FLCN: variants seen among roughly 807,000 people sequenced by gnomAD.
The protein encoded by FLCN is BHD skin lesion fibrofolliculoma protein.
FLCN carries 22 observed loss-of-function variants against 62.5 expected under a neutral mutation model. The ratio of observed to expected loss-of-function variants is 0.35; its 90% CI spans 0.25 to 0.50. FLCN has a LOEUF of 0.50. Ranked by LOEUF, FLCN falls within the 20% of genes least tolerant of loss-of-function variation. The pLI is 0.97. For missense variants in FLCN, 657 were observed against 778.0 expected (o/e 0.84, Z 1.85); for synonymous variants, 319 against 310.0 (o/e 1.03, Z -0.30).
chr17:17,213,713 T>A lies in FLCN; in HGVS notation c.1682A>T (p.Tyr561Phe), dbSNP rs2046817737. The A allele has an allele frequency of 4.3e-6, 7 of 1,614,198 alleles. No individual in the cohort carries two copies. The East Asian group carries it at 1.6e-4, about 36-fold the overall frequency. ...GACCGTGGACATGAGGTGTGACTTGTAGGTCTTGCTCAGGCCAGTCATCCA... is the reference window on the plus strand; with the variant it reads ...GACCGTGGACATGAGGTGTGACTTGAAGGTCTTGCTCAGGCCAGTCATCCA... ...KFWMTGLSKTYKSHLMSTVRS... is the reference protein window; with the variant it reads ...KFWMTGLSKTFKSHLMSTVRS... Residue 561 changes from tyrosine to phenylalanine, a missense_variant, in exon 14 of 14, where the codon TAC (tyrosine) becomes TTC (phenylalanine). Coordinates refer to ENST00000285071, the MANE Select transcript of FLCN (RefSeq NM_144997.7).
At chr17:17,228,279 C>T in intron 3 of FLCN, 118 bp from the exon 4 acceptor site, 1 of 1,293,794 alleles carries the variant, frequency 7.7e-7, no homozygotes, top group Non-Finnish European at 1.0e-6. Flanking sequence ...CCAGGAGAGG[C>T]CACCCGCCAG....
intron 9 of FLCN, among the ~76,000 whole-genome samples, chr17:17,218,672 C>T (rs978480490): frequency 2.6e-5 from 4 of 152,112 alleles, no homozygotes; most frequent in East Asian, 1.9e-4. Flanking sequence ...AGAGCCACCA[C>T]GCCCAGCCAG....
In FLCN at chr17:17,216,721, C is replaced by G. The variant is rs1025464781; in HGVS notation, c.1177-218G>C. 2.6e-5 allele frequency among the ~76,000 whole-genome samples: 4 copies of G among 152,212 alleles called. No individual in the cohort carries two copies. Among genetic ancestry groups the G allele is most frequent in the Admixed American group, 6.5e-5 (1 of 15,286 alleles). On this transcript the variant is annotated intron_variant, in intron 10 of 13. Coordinates refer to ENST00000285071, the MANE Select transcript of FLCN (RefSeq NM_144997.7). The surrounding 1 kb of genome is among the most constrained non-coding windows in gnomAD (Gnocchi z 4.0). ...TCTTGTCTGGACCGCCAGTCACACA[C>G]CAGCTTGTACCGCCCCTCGCTCTGT...
At chr17:17,226,889 T>G (rs2047266662) in intron 4 of FLCN, among the ~76,000 whole-genome samples, 1 of 152,224 alleles carries the variant, frequency 6.6e-6, no homozygotes, top group South Asian at 2.1e-4. Context: ...ACTCCGATGC[T>G]GAGGCTGTGC....
rs747644007 is a variant in FLCN, at chr17:17,217,110, T to C, written c.1135A>G (p.Arg379Gly). ...GCTGACTGGACGAGGTCCACGTCTCTGCTTTTCCAGATCACCTGGTTCCCC... is the reference window on the plus strand; with the variant it reads ...GCTGACTGGACGAGGTCCACGTCTCCGCTTTTCCAGATCACCTGGTTCCCC... Reference protein sequence around the residue: ...LMGNQVIWKSRDVDLVQSAFE... With the variant: ...LMGNQVIWKSGDVDLVQSAFE... The change falls in exon 10 of 14, where the codon AGA becomes GGA. Residue 379 changes from arginine to glycine, a missense_variant. Arg to Gly is a moderately radical substitution (Grantham distance 125, BLOSUM62 -2). Transcript: ENST00000285071. The C allele has an allele frequency of 1.9e-6, 3 of 1,614,132 alleles. No homozygotes were observed. Among genetic ancestry groups the C allele is most frequent in the South Asian group, 2.2e-5 (2 of 91,086 alleles).
At chr17:17,215,120 G>T (rs1444753093) in intron 12 of FLCN, 30 bp from the exon 13 acceptor site, 3 of 1,613,820 alleles carry the variant, frequency 1.9e-6, no homozygotes, top group South Asian at 1.1e-5. Flanking sequence ...CAGAGCAAGG[G>T]CAGGCGTTAG....
intron 8 of FLCN, 96 bp downstream of exon 8, chr17:17,221,437 GCGTT>G (rs780928989): frequency 6.2e-7 from 1 of 1,614,000 alleles, no homozygotes; most frequent in South Asian, 1.1e-5. Context: ...ATTCAGAGCC[GCGTT>G]TCCCTCCCTC....
intron 7 of FLCN, 95 bp downstream of exon 7, chr17:17,222,406 C>T: frequency 1.9e-6 from 3 of 1,566,270 alleles, no homozygotes; most frequent in Non-Finnish European, 2.6e-6. Context: ...GCAAACACGG[C>T]TAAGGACTGT....
In FLCN at chr17:17,213,486, C is replaced by T; in HGVS notation, c.*169G>A. 2 of 825,438 alleles carry T rather than the reference C, an allele frequency of 2.4e-6. No individual in the cohort carries two copies. The highest frequency in any genetic ancestry group is 2.0e-6 in the Non-Finnish European group (1 of 506,036). The allele number at this position is 825,438 out of a possible 1,614,324, so 51.1% of individuals were successfully genotyped here. A position where few individuals can be genotyped will look rare whatever the true frequency, so the allele number is the denominator to read the frequency against. ...ACGGCTGGAGGGAGAGTCTGGGAAG[C>T]ACACAGGCCCCAAACCTGACAGGGC... On this transcript the variant is annotated 3_prime_UTR_variant, in exon 14 of 14. Coordinates refer to ENST00000285071, the MANE Select transcript of FLCN (RefSeq NM_144997.7).
chr17:17,223,917 T>C lies in FLCN; in HGVS notation c.618+5A>G. 1.2e-6 allele frequency: 2 copies of C among 1,613,260 alleles called. No homozygotes were observed. The highest frequency in any genetic ancestry group is 8.5e-7 in the Non-Finnish European group (1 of 1,180,016). ...GCCGCCCCGGCACCTCATCTCTGAA[T>C]TCACCTTGAGCGCCTTGCCCTGGAG... On this transcript the variant is annotated splice_donor_5th_base_variant and intron_variant, in intron 6 of 13. Coordinates refer to ENST00000285071, the MANE Select transcript of FLCN (RefSeq NM_144997.7).
intron 1 of FLCN, among the ~76,000 whole-genome samples, chr17:17,234,753 G>A (rs1305476741): frequency 6.0e-5 from 9 of 149,978 alleles, no homozygotes; most frequent in East Asian, 2.0e-4. Context: ...CGAGGCAGGC[G>A]GACCACGAGG....
chr17:17,234,210 T>G (rs543526231), intron 1 of FLCN, among the ~76,000 whole-genome samples: 3 of 104,718 alleles, frequency 2.9e-5, no homozygotes, highest in African/African-American at 9.2e-5. Flanking sequence ...TTTGTTTTTT[T>G]TTGGTTTGTT....
At chr17:17,217,296 G>T in intron 9 of FLCN, 114 bp from the exon 10 acceptor site, 1 of 776,378 alleles carries the variant, frequency 1.3e-6, no homozygotes, top group Non-Finnish European at 2.2e-6. Flanking sequence ...ACAGGGCTCA[G>T]GAGAAAGACA....
In FLCN at chr17:17,216,280, C is replaced by A; in HGVS notation, c.1300+100G>T. On this transcript the variant is annotated intron_variant, in intron 11 of 13. Transcript: ENST00000285071. The surrounding 1 kb of genome is among the most constrained non-coding windows in gnomAD (Gnocchi z 4.0). ...GGAAGCTGGCCCTGCAATGAGGCCT[C>A]CTCTCCACAACCCATGACAGAGATC... 7.1e-6 allele frequency: 11 copies of A among 1,544,844 alleles called. No individual in the cohort carries two copies. Among genetic ancestry groups the A allele is most frequent in the Non-Finnish European group, 9.7e-6 (11 of 1,138,750 alleles).
In FLCN at chr17:17,224,125, C is replaced by T; in HGVS notation, c.415G>A (p.Gly139Ser). The T allele has an allele frequency of 6.3e-7, 1 of 1,596,692 alleles. No individual in the cohort carries two copies. The highest frequency in any genetic ancestry group is 8.5e-7 in the Non-Finnish European group (1 of 1,171,398). The change falls in exon 6 of 14, where the codon GGC (glycine) becomes AGC (serine). Residue 139 changes from glycine to serine, a missense_variant. Gly to Ser is a moderately conservative substitution (Grantham distance 56, BLOSUM62 0). Coordinates refer to ENST00000285071, the MANE Select transcript of FLCN (RefSeq NM_144997.7). ...LSCEVCPGRE[G>S]PIFFGDEQHG... is the part of the protein sequence containing the mutation. ...TGCTCATCTCCGAAGAAGATGGGGC[C>T]TTCACGGCCAGGGCAGACCTGGAGG...
At position 17,213,804 on chromosome 17, in the gene FLCN, C is replaced by A. The variant is rs1431122003; in HGVS notation, c.1591G>T (p.Asp531Tyr). ...FTKVDSRPKE[D>Y]TQKLLSILGA... is the part of the protein sequence containing the mutation. ...AGGATGCTCAGCAGCTTCTGTGTGTCCTCTTTGGGTCGACTGTCCACCTTG... is the reference window on the plus strand; with the variant it reads ...AGGATGCTCAGCAGCTTCTGTGTGTACTCTTTGGGTCGACTGTCCACCTTG... The change falls in exon 14 of 14, where the codon GAC (aspartate) becomes TAC (tyrosine). Residue 531 changes from aspartate to tyrosine, a missense_variant. Coordinates refer to ENST00000285071, the MANE Select transcript of FLCN (RefSeq NM_144997.7). 6.2e-7 allele frequency: 1 copy of A among 1,614,100 alleles called. No individual in the cohort carries two copies. Among genetic ancestry groups the A allele is most frequent in the Non-Finnish European group, 8.5e-7 (1 of 1,180,054 alleles).
chr17:17,217,682 G>C (rs1025346840), intron 9 of FLCN: 2 of 281,716 alleles, frequency 7.1e-6, no homozygotes, highest in South Asian at 7.3e-5. Context: ...TTTGGATCCA[G>C]GAGATACTAC....
rs1597574324 is a variant in FLCN, at chr17:17,213,830, G to C, written c.1565C>G (p.Thr522Ser). 4 of 1,614,056 alleles carry C rather than the reference G, an allele frequency of 2.5e-6. No individual in the cohort carries two copies. Among genetic ancestry groups the C allele is most frequent in the Non-Finnish European group, 2.5e-6 (3 of 1,180,034 alleles). ...CTCTTTGGGTCGACTGTCCACCTTG[G>C]TGAACTTAAAAAGCACCTTCACTTT... Reference protein sequence around the residue: ...MNKVKVLFKFTKVDSRPKEDT... With the variant: ...MNKVKVLFKFSKVDSRPKEDT... Residue 522 changes from threonine (T) to serine (S), a missense_variant, in exon 14 of 14, where the codon ACC becomes AGC. Physicochemically the swap from Thr to Ser is moderately conservative, Grantham distance 58 (BLOSUM62 1). Transcript: ENST00000285071.
chr17:17,231,128 A>C (rs2047408599), intron 3 of FLCN, among the ~76,000 whole-genome samples: 1 of 152,198 alleles, frequency 6.6e-6, no homozygotes, highest in South Asian at 2.1e-4. Context: ...TGAACCTAGG[A>C]GGCGAAGGTT....
Sources: allele counts gnomAD v4.1 joint callset (sites outside exome capture counted in the v4.1 genomes callset), GRCh38; gene constraint gnomAD v4.1.1; non-coding constraint Gnocchi (gnomAD v3.1); transcripts MANE v1.5; gene names NCBI Gene and HGNC (gene_info 2026-07-23, HGNC 2026-07-21).